DNAH6: variants seen among roughly 807,000 people sequenced by gnomAD.
The protein encoded by DNAH6 is dynein axonemal heavy chain 6, also known as axonemal beta dynein heavy chain 6.
In DNAH6, 340 loss-of-function variants were observed where a neutral mutation model predicts 491.4. That is an observed-to-expected ratio of 0.69 (90% CI 0.63 to 0.76). The LOEUF (loss-of-function observed/expected upper bound fraction) is 0.76, where lower values mean the gene tolerates loss of function less well. DNAH6 is among the 30% of genes least tolerant of loss of function. DNAH6 has a pLI of 0.00. For synonymous variants in DNAH6, 1,603 were observed against 1,686.1 expected, an observed-to-expected ratio of 0.95 and a Z score of 1.21; for missense variants, 4,443 against 4,972.2, an observed-to-expected ratio of 0.89 and a Z score of 3.20.
chr2:84,557,324 T>G (rs970269199), intron 10 of DNAH6, among the ~76,000 whole-genome samples: 4 of 152,214 alleles, frequency 2.6e-5, no homozygotes, highest in Admixed American at 6.5e-5. Flanking sequence ...TCAGTTATTC[T>G]TATTTATTTT....
Position 84,619,968 on chromosome 2 carries a change from A to C in DNAH6, c.3792+64A>C. ...TTGCTACTCCTCTAGGGTTATTCTC[A>C]CTCTAAGCATACAGGTACTCTGTTG... On this transcript the variant is annotated intron_variant, in intron 24 of 76. Transcript: ENST00000389394. 6 of 1,351,438 alleles carry C rather than the reference A, an allele frequency of 4.4e-6. No individual in the cohort carries two copies. The South Asian group carries it at 6.6e-5, about 15-fold the overall frequency. 83.7% of individuals were successfully genotyped at this position (1,351,438 alleles called of 1,614,324 possible). A position where few individuals can be genotyped will look rare whatever the true frequency, so the allele number is the denominator to read the frequency against.
chr2:84,700,613 C>T (rs991496742), intron 48 of DNAH6, among the ~76,000 whole-genome samples: 23 of 152,230 alleles, frequency 1.5e-4, no homozygotes, highest in Admixed American at 6.5e-5. Context: ...CAGCCATGCT[C>T]AGCTGCACAG....
chr2:84,476,514 A>G, the DNAH6 span, among the ~76,000 whole-genome samples: 1 of 152,032 alleles, frequency 6.6e-6, no homozygotes, highest in African/African-American at 2.4e-5. Context: ...TCTTTTCTTT[A>G]ATTTTCTCCA....
At chr2:84,746,377 C>T (rs1055336337) in intron 63 of DNAH6, among the ~76,000 whole-genome samples, 5 of 151,676 alleles carry the variant, frequency 3.3e-5, no homozygotes, top group Admixed American at 6.6e-5. Flanking sequence ...AGCAGAGGGT[C>T]AGGAAAAGCT....
At chr2:84,610,902 A>T (rs1170117631) in intron 21 of DNAH6, among the ~76,000 whole-genome samples, 1 of 152,182 alleles carries the variant, frequency 6.6e-6, no homozygotes. Context: ...TACCTGAAAG[A>T]AGCCTGAGCT....
At chr2:84,697,036 A>C (rs1012686577) in intron 46 of DNAH6, among the ~76,000 whole-genome samples, 3 of 152,234 alleles carry the variant, frequency 2.0e-5, no homozygotes, top group African/African-American at 4.8e-5. Flanking sequence ...TCACACTTGA[A>C]TTGAATGAGA....
chr2:84,624,166 T>A (rs1687642607), intron 26 of DNAH6, 99 bp from the exon 27 acceptor site: 1 of 1,130,186 alleles, frequency 8.8e-7, no homozygotes, highest in Non-Finnish European at 1.2e-6. Context: ...AATTAGCTGG[T>A]TTTTAGCAAT....
At chr2:84,488,066 T>G in the DNAH6 span, among the ~76,000 whole-genome samples, 3 of 152,204 alleles carry the variant, frequency 2.0e-5, no homozygotes, top group African/African-American at 7.2e-5. Flanking sequence ...TTGAGTACTC[T>G]GTTTTTAGGC....
intron 70 of DNAH6, among the ~76,000 whole-genome samples, chr2:84,799,011 G>A (rs570318205): frequency 9.6e-5 from 14 of 146,166 alleles, no homozygotes; most frequent in Admixed American, 4.8e-4. Context: ...TTTTTGAGAC[G>A]GAGTCTCGCT....
chr2:84,496,501 T>C, the DNAH6 span, among the ~76,000 whole-genome samples: 1 of 152,204 alleles, frequency 6.6e-6, no homozygotes, highest in African/African-American at 2.4e-5. Context: ...TCTTTATATT[T>C]CTTCACCTGC....
chr2:84,683,027 G>A (rs1026465404), intron 42 of DNAH6, among the ~76,000 whole-genome samples: 15 of 152,074 alleles, frequency 9.9e-5, no homozygotes, highest in Non-Finnish European at 1.8e-4. Context: ...CCTGCCCAGG[G>A]ACCGCTGTAC....
At chr2:84,464,293 A>G in the DNAH6 span, among the ~76,000 whole-genome samples, 2 of 152,170 alleles carry the variant, frequency 1.3e-5, no homozygotes, top group Non-Finnish European at 2.9e-5. Context: ...CCCGCTCGCC[A>G]AAACATACCA....
intron 40 of DNAH6, among the ~76,000 whole-genome samples, chr2:84,672,964 G>A (rs1388003527): frequency 6.6e-6 from 1 of 152,162 alleles, no homozygotes; most frequent in Non-Finnish European, 1.5e-5. Context: ...TTTTTGCCAT[G>A]CTTGGTTCAG....
chr2:84,515,301 C>A (rs956873552), upstream of DNAH6, among the ~76,000 whole-genome samples: 1 of 152,086 alleles, frequency 6.6e-6, no homozygotes, highest in Non-Finnish European at 1.5e-5. Flanking sequence ...CTTGCTGTTT[C>A]CAGTTTCTCA....
upstream of DNAH6, among the ~76,000 whole-genome samples, chr2:84,516,290 A>C (rs567595804): frequency 1.3e-5 from 2 of 152,154 alleles, no homozygotes; most frequent in East Asian, 3.9e-4. Context: ...ACAGTACTCA[A>C]TTCCCAGCGC....
intron 23 of DNAH6, 35 bp from the exon 24 acceptor site, chr2:84,619,650 T>G: frequency 6.6e-7 from 1 of 1,525,560 alleles, no homozygotes; most frequent in African/African-American, 1.4e-5. Flanking sequence ...TTACTTCCAT[T>G]TCAAGTTATA....
intron 18 of DNAH6, among the ~76,000 whole-genome samples, chr2:84,601,014 T>G (rs567580253): frequency 4.5e-5 from 6 of 133,432 alleles, no homozygotes; most frequent in African/African-American, 2.2e-4. Flanking sequence ...TATAATAATA[T>G]TATAATAATA....
intron 35 of DNAH6, among the ~76,000 whole-genome samples, chr2:84,656,260 G>T (rs759196052): frequency 1.3e-5 from 2 of 152,140 alleles, no homozygotes; most frequent in Admixed American, 1.3e-4. Context: ...AAGCATTAAT[G>T]TGCAGGTTTT....
At chr2:84,732,812 A>G (rs1699232458) in intron 61 of DNAH6, among the ~76,000 whole-genome samples, 1 of 152,230 alleles carries the variant, frequency 6.6e-6, no homozygotes, top group Non-Finnish European at 1.5e-5. Context: ...TAATTATAGT[A>G]AGGAACCTCA....
Sources: allele counts gnomAD v4.1 joint callset (sites outside exome capture counted in the v4.1 genomes callset), GRCh38; gene constraint gnomAD v4.1.1; transcripts MANE v1.5; gene names NCBI Gene and HGNC (gene_info 2026-07-23, HGNC 2026-07-21).